The following SRD5A2 variants were observed in gnomAD, a reference collection of about 807,000 sequenced individuals.
SRD5A2 encodes steroid 5 alpha-reductase 2.
A neutral mutation model predicts 27.4 loss-of-function variants in SRD5A2; 30 were observed. That is an observed-to-expected ratio of 1.10 (90% CI 0.82 to 1.49). SRD5A2 has a LOEUF of 1.49. SRD5A2 is among the 40% of genes most tolerant of loss of function. The probability of loss-of-function intolerance (pLI) is 0.00; values close to 1 mark genes in which losing one functional copy is unlikely to be tolerated. For synonymous variants in SRD5A2, 141 were observed against 133.6 expected, an observed-to-expected ratio of 1.06 and a Z score of -0.38; for missense variants, 348 against 323.4, an observed-to-expected ratio of 1.08 and a Z score of -0.58.
At chr2:31,621,982 T>C in the SRD5A2 span, among the ~76,000 whole-genome samples, 3 of 151,892 alleles carry the variant, frequency 2.0e-5, no homozygotes, top group African/African-American at 7.3e-5. Context: ...AACTTTTAAG[T>C]CAGGAGTACA....
chr2:31,631,505 C>T, the SRD5A2 span, among the ~76,000 whole-genome samples: 5 of 152,040 alleles, frequency 3.3e-5, no homozygotes, highest in Admixed American at 6.6e-5. Context: ...GGCAAAAACA[C>T]CCCTAAGATG....
intron 1 of SRD5A2, among the ~76,000 whole-genome samples, chr2:31,546,173 T>C (rs1286102570): frequency 1.4e-5 from 2 of 145,136 alleles, no homozygotes; most frequent in Non-Finnish European, 3.0e-5. Context: ...AAAATTCCAA[T>C]GACTTTTTTT....
chr2:31,550,883 A>G (rs1666369423), intron 1 of SRD5A2, among the ~76,000 whole-genome samples: 1 of 152,012 alleles, frequency 6.6e-6, no homozygotes. Context: ...AGTCAGTGTA[A>G]TAAGGTAAGA....
At chr2:31,586,175 A>T in the SRD5A2 span, among the ~76,000 whole-genome samples, 4 of 152,094 alleles carry the variant, frequency 2.6e-5, no homozygotes, top group African/African-American at 9.7e-5. Context: ...CCCAATGTGT[A>T]GTCTTTTATC....
At chr2:31,644,481 T>A in the SRD5A2 span, among the ~76,000 whole-genome samples, 4 of 152,156 alleles carry the variant, frequency 2.6e-5, no homozygotes, top group South Asian at 8.3e-4. Flanking sequence ...CTAGTTAAAT[T>A]CTCATAAGGT....
chr2:31,660,002 T>A, the SRD5A2 span, among the ~76,000 whole-genome samples: 8 of 152,224 alleles, frequency 5.3e-5, no homozygotes, highest in South Asian at 1.7e-3. Flanking sequence ...CTCCAATGGT[T>A]TTTTGTTTTG....
At chr2:31,570,916 A>T (rs539593257) in intron 1 of SRD5A2, among the ~76,000 whole-genome samples, 2 of 152,262 alleles carry the variant, frequency 1.3e-5, no homozygotes, top group African/African-American at 4.8e-5. Flanking sequence ...ATGGATAGAA[A>T]GAATCAATAT....
At chr2:31,538,755 C>T (rs1487295966) in intron 1 of SRD5A2, among the ~76,000 whole-genome samples, 1 of 152,188 alleles carries the variant, frequency 6.6e-6, no homozygotes, top group Non-Finnish European at 1.5e-5. Context: ...TCCAATGCCT[C>T]CAGCACTCAC....
chr2:31,617,006 C>T, the SRD5A2 span, among the ~76,000 whole-genome samples: 3 of 152,206 alleles, frequency 2.0e-5, no homozygotes, highest in South Asian at 4.1e-4. Context: ...CTTATGAGAT[C>T]GGATGATGGT....
Position 31,542,121 on chromosome 2 carries a change from C to A in SRD5A2, c.282-8355G>T, listed in dbSNP as rs186417231. 3.6e-3 allele frequency among the ~76,000 whole-genome samples: 546 copies of A among 152,290 alleles called. 4 individuals are homozygous for A. The highest frequency in any genetic ancestry group is 0.012 in the African/African-American group (518 of 41,568). ...GGAAGTGCTTGTGCCATTCCTCCTG[C>A]AACACCAGGCAACACAACTCACAAC... is the stretch of plus-strand genomic sequence containing the variant. On this transcript the variant is annotated intron_variant, in intron 1 of 4. Transcript: ENST00000622030.
intron 1 of SRD5A2, among the ~76,000 whole-genome samples, chr2:31,535,539 G>A (rs372146075): frequency 2.0e-5 from 3 of 152,050 alleles, no homozygotes; most frequent in Non-Finnish European, 4.4e-5. Context: ...TTAATTATTT[G>A]TATTAAAAAG....
the SRD5A2 span, among the ~76,000 whole-genome samples, chr2:31,587,044 A>G: frequency 6.6e-6 from 1 of 152,216 alleles, no homozygotes; most frequent in Admixed American, 6.5e-5. Context: ...AAATACTTTA[A>G]AAGAATCAAA....
chr2:31,640,302 T>C, the SRD5A2 span, among the ~76,000 whole-genome samples: 1 of 152,168 alleles, frequency 6.6e-6, no homozygotes, highest in Non-Finnish European at 1.5e-5. Flanking sequence ...TTTGAACTCT[T>C]GTTCAGAGAG....
chr2:31,633,617 G>A, the SRD5A2 span, among the ~76,000 whole-genome samples: 6 of 152,210 alleles, frequency 3.9e-5, no homozygotes, highest in East Asian at 1.9e-4. Flanking sequence ...TGATGACATC[G>A]AAGGCACCCC....
chr2:31,549,765 A>C (rs1323282253), intron 1 of SRD5A2, among the ~76,000 whole-genome samples: 1 of 152,214 alleles, frequency 6.6e-6, no homozygotes, highest in Non-Finnish European at 1.5e-5. Flanking sequence ...AAAAATAAAT[A>C]GATCTACTAT....
chr2:31,585,968 G>A, the SRD5A2 span, among the ~76,000 whole-genome samples: 1 of 152,202 alleles, frequency 6.6e-6, no homozygotes, highest in African/African-American at 2.4e-5. Flanking sequence ...TTGGACAGGG[G>A]AGGAAAGAGT....
the SRD5A2 span, among the ~76,000 whole-genome samples, chr2:31,614,212 G>A: frequency 6.6e-6 from 1 of 152,154 alleles, no homozygotes; most frequent in East Asian, 1.9e-4. Context: ...AAGCAAGTTA[G>A]TTACTTCCTA....
At chr2:31,575,971 G>C (rs776423229) in intron 1 of SRD5A2, among the ~76,000 whole-genome samples, 1 of 152,154 alleles carries the variant, frequency 6.6e-6, no homozygotes, top group Non-Finnish European at 1.5e-5. Context: ...TTCCACAGCT[G>C]TAATCACAGT....
At chr2:31,581,258 G>C (rs1032873493), upstream of SRD5A2, among the ~76,000 whole-genome samples, 8 of 152,164 alleles carry the variant, frequency 5.3e-5, no homozygotes, top group African/African-American at 1.7e-4. Flanking sequence ...ACCCCACGGG[G>C]ACGATTCAGC....
Sources: allele counts gnomAD v4.1 joint callset (sites outside exome capture counted in the v4.1 genomes callset), GRCh38; gene constraint gnomAD v4.1.1; transcripts MANE v1.5; gene names NCBI Gene and HGNC (gene_info 2026-07-23, HGNC 2026-07-21).